DNAH11: variants seen among roughly 807,000 people sequenced by gnomAD.
DNAH11 encodes axonemal beta dynein heavy chain 11.
Under a neutral mutation model 526.0 loss-of-function variants are expected in DNAH11, and 442 were observed. The observed-to-expected ratio is 0.84, with a 90% confidence interval of 0.78 to 0.91. The LOEUF is 0.91. DNAH11 is among the 40% of genes least tolerant of loss of function. The pLI is 0.00. For missense variants in DNAH11, 6,989 were observed against 5,448.7 expected, an observed-to-expected ratio of 1.28 and a Z score of -8.90; for synonymous variants, 2,461 against 1,935.9, an observed-to-expected ratio of 1.27 and a Z score of -7.12.
Position 21,834,818 on chromosome 7 carries a change from C to G in DNAH11, c.10692-7726C>G, listed in dbSNP as rs77232150. ...TATGATCACACCACTGCATACCAGT[C>G]TAGCACTCCAGCCTGGGTGACAGAG... On this transcript the variant is annotated intron_variant, in intron 65 of 81. Coordinates refer to ENST00000409508, the MANE Select transcript of DNAH11 (RefSeq NM_001277115.2). Among the ~76,000 whole-genome samples the G allele has an allele frequency of 9.7e-3, 1,470 of 152,174 alleles. 22 individuals are homozygous for G. Among genetic ancestry groups the G allele is most frequent in the African/African-American group, 0.033 (1,378 of 41,534 alleles).
chr7:21,715,450 G>T (rs1286418120), intron 42 of DNAH11, among the ~76,000 whole-genome samples: 3 of 152,138 alleles, frequency 2.0e-5, no homozygotes, highest in African/African-American at 4.8e-5. Context: ...TGATACATTG[G>T]GGCATTACAA....
intron 66 of DNAH11, among the ~76,000 whole-genome samples, chr7:21,847,180 TACTG>T (rs1240510990): frequency 6.6e-6 from 1 of 152,166 alleles, no homozygotes; most frequent in African/African-American, 2.4e-5. Flanking sequence ...GTTAAAATGT[TACTG>T]ACTTCTGCTC....
intron 55 of DNAH11, among the ~76,000 whole-genome samples, 191 bp downstream of exon 55, chr7:21,765,780 AC>A (rs1417804918): frequency 1.3e-5 from 2 of 152,112 alleles, no homozygotes; most frequent in African/African-American, 4.8e-5. Flanking sequence ...ATGATGGCTG[AC>A]CTTTTTTCCA....
intron 76 of DNAH11, among the ~76,000 whole-genome samples, chr7:21,890,872 C>T (rs572092186): frequency 6.6e-6 from 1 of 152,220 alleles, no homozygotes; most frequent in East Asian, 1.9e-4. Context: ...ATTTCCATTT[C>T]TGGCAATATG....
At chr7:21,826,267 C>T (rs1229413720) in intron 65 of DNAH11, among the ~76,000 whole-genome samples, 1 of 151,986 alleles carries the variant, frequency 6.6e-6, no homozygotes, top group African/African-American at 2.4e-5. Flanking sequence ...TAAAGACTTT[C>T]TTATTTCCTC....
In DNAH11 at chr7:21,873,352, T is replaced by C. The variant is rs747067327; in HGVS notation, c.12046T>C (p.Tyr4016His). 6.2e-7 allele frequency: 1 copy of C among 1,613,644 alleles called. No homozygotes were observed. The highest frequency in any genetic ancestry group is 1.7e-5 in the Admixed American group (1 of 59,970). The change falls in exon 74 of 82, where the codon TAC (tyrosine) becomes CAC (histidine). Residue 4016 changes from tyrosine (Y) to histidine (H), a missense_variant. Tyr to His is a moderately conservative substitution (Grantham distance 83). Coordinates refer to ENST00000409508, the MANE Select transcript of DNAH11 (RefSeq NM_001277115.2). ...ATTCAGCCAAGGAAGCCACAGAGAT[T>C]ACAGGGTTTTCATGAGTGCTGAGTC... ...ERFSQGSHRD[Y>H]RVFMSAESAP...
chr7:21,810,698 T>G (rs1366281579), intron 63 of DNAH11, among the ~76,000 whole-genome samples: 4 of 151,210 alleles, frequency 2.6e-5, no homozygotes, highest in African/African-American at 7.3e-5. Context: ...AGTCTAGGAG[T>G]AAAAAGAGAG....
chr7:21,807,789 G>A, intron 62 of DNAH11, 94 bp from the exon 63 acceptor site: 1 of 1,221,578 alleles, frequency 8.2e-7, no homozygotes, highest in Non-Finnish European at 1.1e-6. Flanking sequence ...TGTGTGGAAG[G>A]ACGTAAACCT....
chr7:21,715,507 G>C (rs1487293725), intron 42 of DNAH11, among the ~76,000 whole-genome samples: 1 of 152,172 alleles, frequency 6.6e-6, no homozygotes, highest in Non-Finnish European at 1.5e-5. Context: ...GGTCTTTTCT[G>C]TGGGCAAGGA....
chr7:21,812,551 G>A (rs530389564), intron 63 of DNAH11, among the ~76,000 whole-genome samples: 4 of 152,116 alleles, frequency 2.6e-5, no homozygotes, highest in East Asian at 1.9e-4. Flanking sequence ...GTGGCAAAGA[G>A]GCTGAGGAGG....
At position 21,892,542 on chromosome 7, in the gene DNAH11, C is replaced by T. The variant is rs757909909; in HGVS notation, c.12625C>T (p.Leu4209Phe). 6.8e-6 allele frequency: 11 copies of T among 1,613,992 alleles called. No individual in the cohort carries two copies. Among genetic ancestry groups the T allele is most frequent in the Non-Finnish European group, 9.3e-6 (11 of 1,179,894 alleles). Residue 4209 changes from leucine to phenylalanine, a missense_variant, in exon 77 of 82, where the codon CTC (leucine) becomes TTC (phenylalanine). By Grantham distance (22) the Leu-to-Phe change is conservative. Coordinates refer to ENST00000409508, the MANE Select transcript of DNAH11 (RefSeq NM_001277115.2). ...TCCAGAAAGCCCGGCACTGTATGGCCTCCACCCAAATGCTGAAATAGAATT... is the reference window on the plus strand; with the variant it reads ...TCCAGAAAGCCCGGCACTGTATGGCTTCCACCCAAATGCTGAAATAGAATT... ...LPPESPALYG[L>F]HPNAEIEFLT...
chr7:21,851,337 C>G (rs1238926234), intron 66 of DNAH11: 4 of 265,168 alleles, frequency 1.5e-5, no homozygotes, highest in African/African-American at 8.9e-5. Context: ...TTCCTGATGC[C>G]TCCCCAGCTA....
chr7:21,716,854 G>A (rs138643271), intron 42 of DNAH11, among the ~76,000 whole-genome samples: 15 of 152,218 alleles, frequency 9.9e-5, no homozygotes, highest in Admixed American at 4.6e-4. Flanking sequence ...TAACATAACC[G>A]GCTATTTAAT....
rs1225036971 is a variant in DNAH11, at chr7:21,601,637, T to A, written c.3648+19T>A. 1 of 1,500,012 alleles carries A rather than the reference T, an allele frequency of 6.7e-7. No individual in the cohort carries two copies. The highest frequency in any genetic ancestry group is 2.3e-5 in the Admixed American group (1 of 43,526). The allele number at this position is 1,500,012 out of a possible 1,614,324, so 92.9% of individuals were successfully genotyped here. ...GCTAGAGGTAAGTGCAGAGGTGAAA[T>A]AATCATAATTACCATAAATTGAGCA... is the stretch of plus-strand genomic sequence containing the variant. On this transcript the variant is annotated intron_variant, in intron 18 of 81. Coordinates refer to ENST00000409508, the MANE Select transcript of DNAH11 (RefSeq NM_001277115.2).
At chr7:21,630,219 C>T (rs1036421927) in intron 25 of DNAH11, among the ~76,000 whole-genome samples, 7 of 151,984 alleles carry the variant, frequency 4.6e-5, no homozygotes, top group African/African-American at 1.4e-4. Flanking sequence ...CTTCCCCCCA[C>T]CCCACATTTT....
chr7:21,623,154 G>A (rs1786159849), intron 25 of DNAH11, among the ~76,000 whole-genome samples: 1 of 152,092 alleles, frequency 6.6e-6, no homozygotes, highest in Non-Finnish European at 1.5e-5. Context: ...AGTGGGCGAA[G>A]GACATGAACA....
At chr7:21,631,611 G>A (rs991541584) in intron 25 of DNAH11, among the ~76,000 whole-genome samples, 1 of 152,232 alleles carries the variant, frequency 6.6e-6, no homozygotes, top group African/African-American at 2.4e-5. Flanking sequence ...CAGCGGGGCA[G>A]TCAAATCTTA....
chr7:21,591,229 C>A lies in DNAH11; in HGVS notation c.2319C>A (p.Leu773=). 6.3e-7 allele frequency: 1 copy of A among 1,579,620 alleles called. No individual in the cohort carries two copies. The highest frequency in any genetic ancestry group is 1.2e-5 in the South Asian group (1 of 85,796). ...TTCTTGTGCAAGGGTATAATAAACTCAAACAGACGCTCCTGGAAGTTGAAT... is the reference window on the plus strand; with the variant it reads ...TTCTTGTGCAAGGGTATAATAAACTAAAACAGACGCTCCTGGAAGTTGAAT... The part of the protein sequence containing the change: ...LDLLVQGYNK[L]KQTLLEVEYP... The change falls in exon 14 of 82, where the codon CTC becomes CTA. Residue 773 remains leucine (L), a synonymous_variant. Coordinates refer to ENST00000409508, the MANE Select transcript of DNAH11 (RefSeq NM_001277115.2).
chr7:21,744,516 G>A lies in DNAH11; in HGVS notation c.8233G>A (p.Val2745Ile), dbSNP rs1048077376. ...IHLWLHESAR[V>I]YGDKLIDKKD... ...TCTGTGGCTTCATGAATCTGCCCGT[G>A]TTTATGGAGACAAACTGATAGACAA... The change falls in exon 50 of 82, where the codon GTT becomes ATT. Residue 2745 changes from valine to isoleucine, a missense_variant. Val to Ile is a conservative substitution (Grantham distance 29). Coordinates refer to ENST00000409508, the MANE Select transcript of DNAH11 (RefSeq NM_001277115.2). 1 of 1,613,784 alleles carries A rather than the reference G, an allele frequency of 6.2e-7. No homozygotes were observed. The highest frequency in any genetic ancestry group is 8.5e-7 in the Non-Finnish European group (1 of 1,179,844).
Sources: gnomAD v4.1 joint callset for allele counts (sites outside exome capture counted in the v4.1 genomes callset) on GRCh38, gnomAD v4.1.1 for gene constraint, MANE v1.5 for transcripts, NCBI Gene and HGNC (gene_info 2026-07-23, HGNC 2026-07-21) for gene names.